Variants in STAB1 observed in about 807,000 individuals in gnomAD.
The protein encoded by STAB1 is stabilin-1.
STAB1 carries 250 observed loss-of-function variants against 332.4 expected under a neutral mutation model. The ratio of observed to expected loss-of-function variants is 0.75; its 90% CI spans 0.68 to 0.84. The LOEUF is 0.84. Ranked by LOEUF, STAB1 falls within the 40% of genes least tolerant of loss-of-function variation. The probability of loss-of-function intolerance (pLI) is 0.00; values close to 1 mark genes in which losing one functional copy is unlikely to be tolerated. For missense variants in STAB1, 3,249 were observed against 3,489.7 expected, an observed-to-expected ratio of 0.93 and a Z score of 1.74; for synonymous variants, 1,475 against 1,390.4, an observed-to-expected ratio of 1.06 and a Z score of -1.35.
Position 52,524,376 on chromosome 3 carries a change from A to C in STAB1, c.*20A>C. 6.2e-7 allele frequency: 1 copy of C among 1,613,630 alleles called. No individual in the cohort carries two copies. The highest frequency in any genetic ancestry group is 8.5e-7 in the Non-Finnish European group (1 of 1,179,948). On this transcript the variant is annotated 3_prime_UTR_variant, in exon 69 of 69. Coordinates refer to ENST00000321725, the MANE Select transcript of STAB1 (RefSeq NM_015136.3). The stretch of plus-strand genomic sequence containing the variant: ...AAGTGACGAGGCTGGGGCTGAAAGC[A>C]GAAGCATGCACAGGGAGGAGACCAC...
At position 52,516,737 on chromosome 3, in the gene STAB1, G is replaced by T. The variant is rs369392201; in HGVS notation, c.4332G>T (p.Ala1444=). 4 of 1,611,302 alleles carry T rather than the reference G, an allele frequency of 2.5e-6. No homozygotes were observed. The highest frequency in any genetic ancestry group is 2.5e-6 in the Non-Finnish European group (3 of 1,179,654). ...GAGCCTCCACCTGCGCCTGTGCTGC[G>T]GGATACTCCGGCAATGGCATCTTCT... ...SAGASTCACA[A]GYSGNGIFCS... is the part of the protein sequence containing the mutation. The change falls in exon 41 of 69, where the codon GCG becomes GCT. Residue 1444 remains alanine, a synonymous_variant. Transcript: ENST00000321725.
intron 58 of STAB1, 37 bp downstream of exon 58, chr3:52,521,988 C>T: frequency 6.2e-7 from 1 of 1,607,398 alleles, no homozygotes; most frequent in Non-Finnish European, 8.5e-7. Flanking sequence ...GTGGGAGGCC[C>T]CCACTCCCCT....
In STAB1 at chr3:52,514,226, G is replaced by A; in HGVS notation, c.3546+13G>A. On this transcript the variant is annotated intron_variant, in intron 33 of 68. Transcript: ENST00000321725. ...CAGCAGTCACCTGGTGAGGCCGTGGGGATGGGGCAATGGCAGGGAGGGCAA... is the reference window on the plus strand; with the variant it reads ...CAGCAGTCACCTGGTGAGGCCGTGGAGATGGGGCAATGGCAGGGAGGGCAA... The A allele has an allele frequency of 6.2e-7, 1 of 1,612,728 alleles. No homozygotes were observed. The highest frequency in any genetic ancestry group is 8.5e-7 in the Non-Finnish European group (1 of 1,179,878).
chr3:52,509,836 TCTC>T, intron 22 of STAB1, 31 bp from the exon 23 acceptor site: 2 of 1,611,340 alleles, frequency 1.2e-6, no homozygotes, highest in Non-Finnish European at 1.7e-6. Flanking sequence ...GCCTCCTGCT[TCTC>T]AGTTTCCTTG....
rs1350876603 is a variant in STAB1 at position 52,502,335 on chromosome 3, C to T, written c.487+107C>T. 7.8e-6 allele frequency: 10 copies of T among 1,275,860 alleles called. No homozygotes were observed. The Admixed American group carries it at 1.8e-4, about 23-fold the overall frequency. The allele number at this position is 1,275,860 out of a possible 1,614,324, so 79.0% of individuals were successfully genotyped here. On this transcript the variant is annotated intron_variant, in intron 5 of 68. Transcript: ENST00000321725. ...CCTGTCCCTTCAGCCTCTGTCCCAG[C>T]CCCTCAGATTTGCACATCCCTTTCA...
intron 1 of STAB1, among the ~76,000 whole-genome samples, chr3:52,495,990 T>C (rs1707992357): frequency 6.6e-6 from 1 of 152,236 alleles, no homozygotes; most frequent in Non-Finnish European, 1.5e-5. Context: ...AAGGACACAC[T>C]TCAGCCTCAG....
chr3:52,519,759 G>A, intron 50 of STAB1, 185 bp from the exon 51 acceptor site: 2 of 1,126,648 alleles, frequency 1.8e-6, no homozygotes, highest in South Asian at 1.5e-5. Flanking sequence ...GTGCTTATGT[G>A]TGCCCACATT....
chr3:52,508,651 G>A, intron 21 of STAB1: 1 of 379,062 alleles, frequency 2.6e-6, no homozygotes, highest in South Asian at 2.1e-5. Flanking sequence ...GCAAAACCCT[G>A]TCTGTACTAA....
chr3:52,513,652 G>C, intron 30 of STAB1, 65 bp from the exon 31 acceptor site: 1 of 1,526,786 alleles, frequency 6.5e-7, no homozygotes, highest in South Asian at 1.2e-5. Context: ...TCTCTGTTGG[G>C]GCTGCCCCAC....
intron 1 of STAB1, among the ~76,000 whole-genome samples, chr3:52,499,898 C>CAA (rs4045133): frequency 0.79 from 29,127 of 37,056 alleles, 12,649 homozygotes; most frequent in East Asian, 0.93. Context: ...GACTCCATCT[C>CAA]AAAAAAAAAA....
At chr3:52,512,687 A>G in intron 28 of STAB1, 44 bp downstream of exon 28, 1 of 1,612,686 alleles carries the variant, frequency 6.2e-7, no homozygotes, top group Non-Finnish European at 8.5e-7. Context: ...CAAATCCAGG[A>G]GGCCTGCCTG....
At position 52,523,657 on chromosome 3, in the gene STAB1, AG is replaced by A. The variant is rs761477690; in HGVS notation, c.7299del (p.Thr2434GlnfsTer166). ...DNSSWAPVAPGTVVVSRIIVW... is the reference protein window; with the variant it reads ...DNSSWAPVAPXTVVVSRIIVW... ...TGACTCTGGTCTCCCTGCAGGCCCC[AG>A]GGACAGTTGTGGTTAGCCGTATCAT... On this transcript the variant is annotated frameshift_variant, in exon 66 of 69. Transcript: ENST00000321725. LOFTEE classifies it high-confidence loss of function. 3 of 1,612,928 alleles carry A rather than the reference AG, an allele frequency of 1.9e-6. No individual in the cohort carries two copies. Among genetic ancestry groups the A allele is most frequent in the Non-Finnish European group, 2.5e-6 (3 of 1,179,988 alleles).
In STAB1 at chr3:52,521,838, G is replaced by T. The variant is rs550253630; in HGVS notation, c.6164-6G>T. On this transcript the variant is annotated splice_polypyrimidine_tract_variant and splice_region_variant and intron_variant, in intron 57 of 68. Coordinates refer to ENST00000321725, the MANE Select transcript of STAB1 (RefSeq NM_015136.3). ...CTGGTTCTGGGGGCTGGGCCCTGGGGGACAGAGCTGCAGCCTGTGTGTACC... is the reference window on the plus strand; with the variant it reads ...CTGGTTCTGGGGGCTGGGCCCTGGGTGACAGAGCTGCAGCCTGTGTGTACC... The T allele has an allele frequency of 6.3e-7, 1 of 1,594,042 alleles. No homozygotes were observed. Among genetic ancestry groups the T allele is most frequent in the Admixed American group, 1.7e-5 (1 of 59,064 alleles).
chr3:52,505,825 G>A (rs775504894), intron 15 of STAB1, 44 bp downstream of exon 15: 2 of 1,613,652 alleles, frequency 1.2e-6, no homozygotes, highest in Non-Finnish European at 1.7e-6. Flanking sequence ...GGGGCACCAG[G>A]ACCTCCACGC....
rs1491497798 is a variant in STAB1 at position 52,495,482 on chromosome 3, CAG to C, written c.70_71del (p.Arg24GlyfsTer9). On this transcript the variant is annotated frameshift_variant, in exon 1 of 69. Coordinates refer to ENST00000321725, the MANE Select transcript of STAB1 (RefSeq NM_015136.3). LOFTEE classifies it high-confidence loss of function. ...AFCLAGFSFV[R>X]GQVLFKGCDV... Reference sequence around the variant, plus strand: ...TCTGCCTGGCAGGCTTCAGCTTCGTCAGGGGGCAGGTAAGTGTGAGCCAGTCG... The same window carrying C: ...TCTGCCTGGCAGGCTTCAGCTTCGTCGGGGCAGGTAAGTGTGAGCCAGTCG... The C allele has an allele frequency of 1.2e-5, 16 of 1,339,604 alleles. No individual in the cohort carries two copies. Among genetic ancestry groups the C allele is most frequent in the Non-Finnish European group, 1.5e-5 (16 of 1,037,906 alleles). 83.0% of individuals were successfully genotyped at this position (1,339,604 alleles called of 1,614,324 possible). A position where few individuals can be genotyped will look rare whatever the true frequency, so the allele number is the denominator to read the frequency against.
Position 52,520,939 on chromosome 3 carries a change from C to T in STAB1, c.5842C>T (p.Arg1948Cys), listed in dbSNP as rs768136055. 16 of 1,589,610 alleles carry T rather than the reference C, an allele frequency of 1.0e-5. No individual in the cohort carries two copies. The highest frequency in any genetic ancestry group is 2.2e-5 in the East Asian group (1 of 44,628). The change falls in exon 55 of 69, where the codon CGC becomes TGC. Residue 1948 changes from arginine to cysteine, a missense_variant. Transcript: ENST00000321725. ...CCAAGGCCTGGGCAGGGGCTGCCAC[C>T]GCAATTGTGTCACCACCACCTGGAA... ...RPQGLGRGCH[R>C]NCVTTTWKPS...
In STAB1 at chr3:52,514,991, G is replaced by T; in HGVS notation, c.3810G>T (p.Glu1270Asp). The T allele has an allele frequency of 6.2e-7, 1 of 1,613,540 alleles. No homozygotes were observed. Reference sequence around the variant, plus strand: ...TGCCCCACCCTTTTTCCCTCTAGGAGAAATGTGTAAACTGCACCAGGAGAT... The same window carrying T: ...TGCCCCACCCTTTTTCCCTCTAGGATAAATGTGTAAACTGCACCAGGAGAT... ...CLHSHAEALR[E>D]KCVNCTRRFR... Residue 1270 changes from glutamate to aspartate, a missense_variant and splice_region_variant, in exon 36 of 69, where the codon GAG becomes GAT. Physicochemically the swap from Glu to Asp is conservative, Grantham distance 45. Transcript: ENST00000321725.
rs2079151778 is a variant in STAB1, at chr3:52,523,495, G to A, written c.7209G>A (p.Gln2403=). Reference sequence around the variant, plus strand: ...CCCTCCTAAGTGCCAACGCCAGCCAGGGGAAGTTGCTTCCGGCCCACTCAG... The same window carrying A: ...CCCTCCTAAGTGCCAACGCCAGCCAAGGGAAGTTGCTTCCGGCCCACTCAG... ...NATLLSANAS[Q]GKLLPAHSGL... Residue 2403 remains glutamine, a synonymous_variant, in exon 65 of 69, where the codon CAG becomes CAA. Coordinates refer to ENST00000321725, the MANE Select transcript of STAB1 (RefSeq NM_015136.3). 6.2e-7 allele frequency: 1 copy of A among 1,612,506 alleles called. No individual in the cohort carries two copies. Among genetic ancestry groups the A allele is most frequent in the Non-Finnish European group, 8.5e-7 (1 of 1,179,682 alleles).
Position 52,523,969 on chromosome 3 carries a change from C to T in STAB1, c.7494C>T (p.Tyr2498=), listed in dbSNP as rs1390273651. 2 of 1,611,638 alleles carry T rather than the reference C, an allele frequency of 1.2e-6. No homozygotes were observed. The highest frequency in any genetic ancestry group is 1.7e-5 in the Admixed American group (1 of 59,994). Residue 2498 remains tyrosine, a synonymous_variant, in exon 67 of 69, where the codon TAC becomes TAT. Transcript: ENST00000321725. ...ALLGLVAGAL[Y]LRARGKPMGF... ...TTGGCTTGGTGGCCGGAGCTCTCTA[C>T]CTCCGTGCCCGAGGCAAGCCCATGG...
Sources: gnomAD v4.1 joint callset for allele counts (sites outside exome capture counted in the v4.1 genomes callset) on GRCh38, gnomAD v4.1.1 for gene constraint, MANE v1.5 for transcripts, NCBI Gene and HGNC (gene_info 2026-07-23, HGNC 2026-07-21) for gene names.